CSMD1: variants seen among roughly 807,000 people sequenced by gnomAD.
CSMD1 encodes the protein CUB and Sushi multiple domains 1.
In CSMD1, 213 loss-of-function variants were observed where a neutral mutation model predicts 417.5. The ratio of observed to expected loss-of-function variants is 0.51; its 90% CI spans 0.46 to 0.57. The LOEUF (loss-of-function observed/expected upper bound fraction) is 0.57. Ranked by LOEUF, CSMD1 falls within the 20% of genes least tolerant of loss-of-function variation. CSMD1 has a pLI of 0.00. For synonymous variants in CSMD1, 2,862 were observed against 1,736.8 expected, an observed-to-expected ratio of 1.65 and a Z score of -16.11; for missense variants, 6,923 against 4,529.7, an observed-to-expected ratio of 1.53 and a Z score of -15.17.
At chr8:3,258,865 T>A (rs1160874714) in intron 26 of CSMD1, among the ~76,000 whole-genome samples, 2 of 152,230 alleles carry the variant, frequency 1.3e-5, no homozygotes, top group South Asian at 4.1e-4. Context: ...ACTGCATGTT[T>A]TCATTTATAA....
rs1471925878 is a variant in CSMD1 at position 4,146,592 on chromosome 8, ACATTTTTTTT to A, written c.416-114503_416-114494del. Among the ~76,000 whole-genome samples, 152 of 56,880 alleles carry A rather than the reference ACATTTTTTTT, an allele frequency of 2.7e-3. 16 individuals are homozygous for A. The highest frequency in any genetic ancestry group is 6.5e-3 in the African/African-American group (148 of 22,826). The allele number at this position is 56,880 out of a possible 152,430, so 37.3% of individuals were successfully genotyped here. A position where few individuals can be genotyped will look rare whatever the true frequency, so the allele number is the denominator to read the frequency against. On this transcript the variant is annotated intron_variant, in intron 3 of 69. Coordinates refer to ENST00000635120, the MANE Select transcript of CSMD1 (RefSeq NM_033225.6). ...TATCTGTCTAAATGTTTATATGGAC[ACATTTTTTTT>A]TTTTTTTTTTTTTTTTTTTTTTTTT...
At chr8:4,463,120 G>T (rs1040782731) in intron 2 of CSMD1, among the ~76,000 whole-genome samples, 5 of 152,058 alleles carry the variant, frequency 3.3e-5, no homozygotes, top group African/African-American at 1.2e-4. Context: ...ACCAAGTATG[G>T]GCACAATAAT....
chr8:4,348,024 G>C (rs183147318), intron 3 of CSMD1, among the ~76,000 whole-genome samples: 1 of 151,982 alleles, frequency 6.6e-6, no homozygotes, highest in African/African-American at 2.4e-5. Flanking sequence ...TGCATAAAGA[G>C]GAAAAAAACA....
chr8:4,113,594 C>G (rs571287218), intron 3 of CSMD1, among the ~76,000 whole-genome samples: 2 of 151,958 alleles, frequency 1.3e-5, no homozygotes, highest in African/African-American at 2.4e-5. Flanking sequence ...TTAGTAGAGA[C>G]AGAGTTTCAC....
chr8:4,416,801 G>A (rs1313677736), intron 3 of CSMD1, among the ~76,000 whole-genome samples: 2 of 151,996 alleles, frequency 1.3e-5, no homozygotes, highest in Non-Finnish European at 1.5e-5. Flanking sequence ...ACATAGGTCA[G>A]CTTGATGACA....
chr8:4,914,384 G>A (rs1805912306), intron 1 of CSMD1, among the ~76,000 whole-genome samples: 1 of 151,988 alleles, frequency 6.6e-6, no homozygotes, highest in African/African-American at 2.4e-5. Context: ...AGACCATCCT[G>A]GCTAACACGG....
intron 5 of CSMD1, among the ~76,000 whole-genome samples, chr8:3,900,603 G>T (rs923714285): frequency 5.9e-5 from 9 of 151,954 alleles, no homozygotes; most frequent in African/African-American, 1.9e-4. Flanking sequence ...GGGTGACAGT[G>T]TAGCTGGGTG....
At chr8:3,988,309 A>G (rs1448929064) in intron 5 of CSMD1, among the ~76,000 whole-genome samples, 1 of 152,240 alleles carries the variant, frequency 6.6e-6, no homozygotes, top group East Asian at 1.9e-4. Context: ...TTCAACAGAG[A>G]CAAAAGAGCT....
intron 1 of CSMD1, among the ~76,000 whole-genome samples, chr8:4,883,159 C>T (rs759633404): frequency 2.6e-5 from 4 of 152,038 alleles, no homozygotes; most frequent in African/African-American, 2.4e-5. Flanking sequence ...GGGGCATCGT[C>T]ATTTTCTCTT....
intron 26 of CSMD1, among the ~76,000 whole-genome samples, chr8:3,280,300 C>T (rs776404229): frequency 2.6e-5 from 4 of 152,188 alleles, no homozygotes; most frequent in Non-Finnish European, 5.9e-5. Context: ...AATTGATACT[C>T]TATCCTCATT....
intron 10 of CSMD1, among the ~76,000 whole-genome samples, chr8:3,564,648 C>T (rs1585376675): frequency 1.5e-5 from 1 of 64,766 alleles, no homozygotes; most frequent in Non-Finnish European, 3.2e-5. Context: ...CTATTTAGTT[C>T]TGAAAGTTAA....
intron 10 of CSMD1, among the ~76,000 whole-genome samples, chr8:3,499,674 T>C (rs1226917603): frequency 6.6e-6 from 1 of 152,020 alleles, no homozygotes; most frequent in African/African-American, 2.4e-5. Context: ...CCGACTCTGC[T>C]TGACGACTTG....
intron 3 of CSMD1, among the ~76,000 whole-genome samples, chr8:4,399,464 A>C (rs898893598): frequency 5.9e-5 from 9 of 152,234 alleles, no homozygotes; most frequent in Admixed American, 5.2e-4. Context: ...GTATGATTTT[A>C]CTGGCTTTTC....
intron 1 of CSMD1, among the ~76,000 whole-genome samples, chr8:4,980,940 C>G (rs938453924): frequency 7.2e-5 from 11 of 152,004 alleles, no homozygotes. Context: ...GTACTTTGCC[C>G]AGCAACATGG....
At chr8:3,906,388 G>A (rs187491894) in intron 5 of CSMD1, among the ~76,000 whole-genome samples, 4 of 152,220 alleles carry the variant, frequency 2.6e-5, no homozygotes, top group East Asian at 3.9e-4. Context: ...AATATCCTGT[G>A]AAAAATGTAA....
intron 1 of CSMD1, among the ~76,000 whole-genome samples, chr8:4,824,988 C>T (rs901134582): frequency 1.1e-4 from 16 of 151,972 alleles, no homozygotes; most frequent in African/African-American, 3.9e-4. Context: ...GGAAAGTGAG[C>T]GAACCTGAAT....
chr8:3,549,919 T>G (rs1798836466), intron 10 of CSMD1, among the ~76,000 whole-genome samples: 1 of 152,208 alleles, frequency 6.6e-6, no homozygotes, highest in Non-Finnish European at 1.5e-5. Flanking sequence ...AACAAGCAGA[T>G]TTATTGAAAG....
Position 3,997,965 on chromosome 8 carries a change from G to C in CSMD1, c.756C>G (p.Asp252Glu), listed in dbSNP as rs746459612. 5.0e-6 allele frequency: 8 copies of C among 1,611,878 alleles called. No homozygotes were observed. The Admixed American group carries it at 6.7e-5, about 13-fold the overall frequency. The change falls in exon 5 of 70, where the codon GAC (aspartate) becomes GAG (glutamate). Residue 252 changes from aspartate (D) to glutamate (E), a missense_variant. By Grantham distance (45) the Asp-to-Glu change is conservative. Coordinates refer to ENST00000635120, the MANE Select transcript of CSMD1 (RefSeq NM_033225.6). ...AATCATATCCTTCTTCTAGCTGAAA[G>C]TCAGTGAAGACCAGCGCAATGGTGT... ...PGDTIALVFT[D>E]FQLEEGYDFL...
At chr8:4,640,451 A>T (rs1207786946) in intron 1 of CSMD1, among the ~76,000 whole-genome samples, 1 of 152,202 alleles carries the variant, frequency 6.6e-6, no homozygotes, top group Non-Finnish European at 1.5e-5. Context: ...ACAGAATAGA[A>T]AGCCATAAAA....
Sources: allele counts gnomAD v4.1 joint callset (sites outside exome capture counted in the v4.1 genomes callset), GRCh38; gene constraint gnomAD v4.1.1; transcripts MANE v1.5; gene names NCBI Gene and HGNC (gene_info 2026-07-23, HGNC 2026-07-21).